AGBL2: variants seen among roughly 807,000 people sequenced by gnomAD.
AGBL2 encodes the protein AGBL carboxypeptidase 2.
A neutral mutation model predicts 103.0 loss-of-function variants in AGBL2; 87 were observed. The observed-to-expected ratio is 0.84, with a 90% confidence interval of 0.71 to 1.01. The LOEUF (loss-of-function observed/expected upper bound fraction) is 1.01. Among genes scored for constraint, AGBL2 ranks in the 50% least tolerant of loss-of-function variants. The probability of loss-of-function intolerance (pLI) is 0.00; values close to 1 mark genes in which losing one functional copy is unlikely to be tolerated. For synonymous variants in AGBL2, 335 were observed against 356.7 expected, an observed-to-expected ratio of 0.94 and a Z score of 0.69; for missense variants, 904 against 1,023.5, an observed-to-expected ratio of 0.88 and a Z score of 1.59.
At chr11:47,713,546 A>G (rs1401807076) in intron 3 of AGBL2, among the ~76,000 whole-genome samples, 2 of 151,266 alleles carry the variant, frequency 1.3e-5, no homozygotes, top group African/African-American at 4.9e-5. Context: ...AAAATAAAAT[A>G]AAATGTCATA....
At chr11:47,692,278 A>G (rs761819549) in intron 8 of AGBL2, 22 bp from the exon 9 acceptor site, 10 of 1,610,994 alleles carry the variant, frequency 6.2e-6, no homozygotes, top group Non-Finnish European at 7.6e-6. Flanking sequence ...AGATATATTT[A>G]GGCTAGGTTC....
intron 10 of AGBL2, among the ~76,000 whole-genome samples, chr11:47,688,867 C>A (rs575584412): frequency 1.3e-5 from 2 of 152,088 alleles, no homozygotes; most frequent in African/African-American, 4.8e-5. Context: ...TCCTGAGTAG[C>A]TGGGATTACA....
chr11:47,698,132 C>T (rs1298168148), intron 8 of AGBL2, among the ~76,000 whole-genome samples: 2 of 135,522 alleles, frequency 1.5e-5, no homozygotes, highest in African/African-American at 5.7e-5. Context: ...AAAGTGCTGG[C>T]ATTACAGGTA....
chr11:47,704,675 C>A lies in AGBL2; in HGVS notation c.454G>T (p.Glu152Ter), dbSNP rs1210803257. ...HLRSRQLLYD[E>*]LDEVNPRLRE... The stretch of plus-strand genomic sequence containing the variant: ...AGACGTGGGTTTACTTCATCCAACT[C>A]ATCATAAAGAAGCTGTCTGCTCCTA... Residue 152 changes from glutamate to a stop codon, truncating the protein, a stop_gained, in exon 7 of 19, where the codon GAG becomes TAG. Coordinates refer to ENST00000525123, the MANE Select transcript of AGBL2 (RefSeq NM_024783.4). LOFTEE classifies it high-confidence loss of function. The A allele has an allele frequency of 1.7e-5, 28 of 1,613,784 alleles. No homozygotes were observed. The highest frequency in any genetic ancestry group is 1.6e-4 in the Middle Eastern group (1 of 6,084).
chr11:47,709,800 G>A (rs2097531909), intron 4 of AGBL2, among the ~76,000 whole-genome samples: 1 of 152,200 alleles, frequency 6.6e-6, no homozygotes, highest in South Asian at 2.1e-4. Context: ...TGTTGCCCAG[G>A]CTGGTCTCGA....
intron 3 of AGBL2, among the ~76,000 whole-genome samples, chr11:47,713,896 G>A (rs759235349): frequency 7.9e-5 from 12 of 151,326 alleles, no homozygotes; most frequent in Non-Finnish European, 1.5e-4. Flanking sequence ...GCCGCCAATT[G>A]TAAAATTTAT....
In AGBL2 at chr11:47,705,599, C is replaced by T. The variant is rs961325341; in HGVS notation, c.322G>A (p.Gly108Ser). ...HSCLGWMQWR[G>S]LSSLQPPPPR... is the part of the protein sequence containing the mutation. ...GGTGGAGGTTGCAGTGAGCTGAGGC[C>T]GCGCCACTGCATCCAGCCCAGGCAA... The change falls in exon 6 of 19, where the codon GGC becomes AGC. Residue 108 changes from glycine (G) to serine (S), a missense_variant. Gly to Ser is a moderately conservative substitution (Grantham distance 56). Coordinates refer to ENST00000525123, the MANE Select transcript of AGBL2 (RefSeq NM_024783.4). 7.9e-6 allele frequency: 4 copies of T among 503,854 alleles called. No homozygotes were observed. Among genetic ancestry groups the T allele is most frequent in the South Asian group, 4.1e-5 (2 of 48,242 alleles). The allele number at this position is 503,854 out of a possible 1,614,324, so 31.2% of individuals were successfully genotyped here.
intron 7 of AGBL2, 35 bp from the exon 8 acceptor site, chr11:47,699,588 AAAT>A (rs1272290684): frequency 8.1e-7 from 1 of 1,228,352 alleles, no homozygotes; most frequent in Non-Finnish European, 1.2e-6. Flanking sequence ...ACAAAATAAG[AAAT>A]AATGTAAACG....
intron 7 of AGBL2, 79 bp downstream of exon 7, chr11:47,704,464 T>TA (rs2097510108): frequency 2.4e-6 from 3 of 1,262,888 alleles, no homozygotes; most frequent in Non-Finnish European, 3.2e-6. Context: ...GCCTGGGAAA[T>TA]AGAGTGAGAC....
chr11:47,690,106 C>A lies in AGBL2; in HGVS notation c.1601G>T (p.Cys534Phe). The stretch of plus-strand genomic sequence containing the variant: ...GATCATGTTCCTGGTGTACCAAATA[C>A]AAGGGAAAGACTCCTTCAGAATGGT... ...YKTILKESFPCIWYTRNMIKR... is the reference protein window; with the variant it reads ...YKTILKESFPFIWYTRNMIKR... The change falls in exon 10 of 19, where the codon TGT becomes TTT. Residue 534 changes from cysteine to phenylalanine, a missense_variant. Cys to Phe is a radical substitution (Grantham distance 205). Transcript: ENST00000525123. 2 of 1,610,084 alleles carry A rather than the reference C, an allele frequency of 1.2e-6. No homozygotes were observed. The highest frequency in any genetic ancestry group is 1.7e-6 in the Non-Finnish European group (2 of 1,178,966).
chr11:47,678,338 A>ATTATT (rs1565026654), intron 13 of AGBL2, among the ~76,000 whole-genome samples: 2 of 95,244 alleles, frequency 2.1e-5, no homozygotes, highest in East Asian at 3.2e-4. Flanking sequence ...TTATTTTATT[A>ATTATT]TTTTATTTTT....
At chr11:47,678,338 A>ATTTTTTT (rs1196435610) in intron 13 of AGBL2, among the ~76,000 whole-genome samples, 15 of 95,286 alleles carry the variant, frequency 1.6e-4, no homozygotes, top group Non-Finnish European at 2.8e-4. Context: ...TTATTTTATT[A>ATTTTTTT]TTTTATTTTT....
At chr11:47,695,490 A>AAC (rs1554962760) in intron 8 of AGBL2, among the ~76,000 whole-genome samples, 1 of 150,446 alleles carries the variant, frequency 6.6e-6, no homozygotes, top group Non-Finnish European at 1.5e-5. Flanking sequence ...AAAAAAAAAA[A>AAC]AAAAACAGTT....
Position 47,659,733 on chromosome 11 carries a change from A to G in AGBL2, c.*440T>C, listed in dbSNP as rs2097323653. On this transcript the variant is annotated 3_prime_UTR_variant, in exon 19 of 19. Transcript: ENST00000525123. The stretch of plus-strand genomic sequence containing the variant: ...CTCATTGTGAGCAAACCTGACATAC[A>G]GCAGTAGGACTGACCGTCACTAGAA... 1 of 153,554 alleles carries G rather than the reference A, an allele frequency of 6.5e-6. No homozygotes were observed. Among genetic ancestry groups the G allele is most frequent in the South Asian group, 2.1e-4 (1 of 4,846 alleles). 9.5% of individuals were successfully genotyped at this position (153,554 alleles called of 1,614,324 possible). A position where few individuals can be genotyped will look rare whatever the true frequency, so the allele number is the denominator to read the frequency against.
chr11:47,708,033 G>A (rs1341676912), intron 4 of AGBL2, among the ~76,000 whole-genome samples: 3 of 151,852 alleles, frequency 2.0e-5, no homozygotes, highest in Non-Finnish European at 4.4e-5. Context: ...CCAAGTGGCT[G>A]AGACTACAGC....
At chr11:47,709,091 C>T (rs1459269359) in intron 4 of AGBL2, among the ~76,000 whole-genome samples, 1 of 152,198 alleles carries the variant, frequency 6.6e-6, no homozygotes, top group Non-Finnish European at 1.5e-5. Flanking sequence ...TACTGTACTC[C>T]AGCCTGGGCG....
chr11:47,666,258 G>T (rs753308317), intron 17 of AGBL2, among the ~76,000 whole-genome samples: 2 of 151,732 alleles, frequency 1.3e-5, no homozygotes, highest in Non-Finnish European at 2.9e-5. Flanking sequence ...GCCGAGCATG[G>T]TGGTGGGCAC....
At chr11:47,705,247 A>C (rs1309572155) in intron 6 of AGBL2, 1 of 153,146 alleles carries the variant, frequency 6.5e-6, no homozygotes, top group African/African-American at 2.4e-5. Context: ...AGATGGAAAG[A>C]GGAAGGGGAG....
intron 14 of AGBL2, among the ~76,000 whole-genome samples, chr11:47,674,829 G>A (rs1161857677): frequency 6.6e-6 from 1 of 151,808 alleles, no homozygotes; most frequent in Non-Finnish European, 1.5e-5. Flanking sequence ...TCCGTCTCCG[G>A]GTTCCAGTGA....
Sources: gnomAD v4.1 joint callset for allele counts (sites outside exome capture counted in the v4.1 genomes callset) on GRCh38, gnomAD v4.1.1 for gene constraint, MANE v1.5 for transcripts, NCBI Gene and HGNC (gene_info 2026-07-23, HGNC 2026-07-21) for gene names.